SYNPO2: variants seen among roughly 807,000 people sequenced by gnomAD.
SYNPO2 encodes the protein synaptopodin-2.
In SYNPO2, 56 loss-of-function variants were observed where a neutral mutation model predicts 85.0. The ratio of observed to expected loss-of-function variants is 0.66; its 90% CI spans 0.53 to 0.82. The LOEUF is 0.82. SYNPO2 is among the 40% of genes least tolerant of loss of function. SYNPO2 has a pLI of 0.00. For synonymous variants in SYNPO2, 602 were observed against 591.1 expected (o/e 1.02, Z -0.27); for missense variants, 1,575 against 1,534.2 (o/e 1.03, Z -0.44).
intron 1 of SYNPO2, among the ~76,000 whole-genome samples, chr4:118,927,607 T>A (rs1436822789): frequency 6.6e-6 from 1 of 152,166 alleles, no homozygotes; most frequent in Non-Finnish European, 1.5e-5. Flanking sequence ...TGCTTGAGTT[T>A]CAAAACTTTG....
intron 1 of SYNPO2, among the ~76,000 whole-genome samples, chr4:118,931,543 G>C (rs191807929): frequency 6.6e-6 from 1 of 152,300 alleles, no homozygotes; most frequent in East Asian, 1.9e-4. Flanking sequence ...AACCAATCCT[G>C]TGTTGAAATA....
At chr4:118,908,327 A>G (rs1461258139) in intron 1 of SYNPO2, among the ~76,000 whole-genome samples, 7 of 152,150 alleles carry the variant, frequency 4.6e-5, no homozygotes, top group African/African-American at 1.4e-4. Context: ...ATATTGGCCA[A>G]TACAGATTTC....
chr4:118,960,579 A>G (rs147478771), intron 1 of SYNPO2, among the ~76,000 whole-genome samples: 1 of 152,118 alleles, frequency 6.6e-6, no homozygotes, highest in African/African-American at 2.4e-5. Context: ...TTAAATCTCC[A>G]ATCCTGACTT....
chr4:118,962,481 T>C lies in SYNPO2; in HGVS notation c.106-60949T>C, dbSNP rs559958396. On this transcript the variant is annotated intron_variant, in intron 1 of 4. Transcript: ENST00000307142. ...TGGAATAATATAATAATAATTAAAGTATTCAGTTCTTACTTTCTAAAAACA... is the reference window on the plus strand; with the variant it reads ...TGGAATAATATAATAATAATTAAAGCATTCAGTTCTTACTTTCTAAAAACA... 9.6e-4 allele frequency among the ~76,000 whole-genome samples: 146 copies of C among 152,276 alleles called. 1 individual carries two copies. The highest frequency in any genetic ancestry group is 3.4e-3 in the African/African-American group (142 of 41,560).
intron 3 of SYNPO2, 26 bp from the exon 4 acceptor site, chr4:119,029,819 A>AT (rs1210416215): frequency 3.0e-6 from 4 of 1,324,718 alleles, no homozygotes; most frequent in African/African-American, 4.6e-5. Flanking sequence ...AGCTCAATAT[A>AT]ATTTTTTTTT....
chr4:119,018,083 G>A (rs34017819), intron 1 of SYNPO2, among the ~76,000 whole-genome samples: 6,229 of 152,094 alleles, frequency 0.041, 193 homozygotes, highest in Non-Finnish European at 0.069. Flanking sequence ...AAATAATGTC[G>A]TTAAATTTCC....
chr4:118,877,608 T>C (rs971870978), intron 1 of SYNPO2, among the ~76,000 whole-genome samples: 1 of 151,972 alleles, frequency 6.6e-6, no homozygotes, highest in African/African-American at 2.4e-5. Flanking sequence ...GAAAAGAAGA[T>C]CAACATCACT....
chr4:118,987,407 G>A (rs570701618), intron 1 of SYNPO2, among the ~76,000 whole-genome samples: 102 of 152,254 alleles, frequency 6.7e-4, no homozygotes, highest in Middle Eastern at 3.4e-3. Flanking sequence ...GGTGGCTCAC[G>A]CCTCTAAATC....
At chr4:118,886,421 G>A (rs962926294), upstream of SYNPO2, among the ~76,000 whole-genome samples, 1 of 152,074 alleles carries the variant, frequency 6.6e-6, no homozygotes, top group Non-Finnish European at 1.5e-5. Context: ...CCCTCCGACA[G>A]GCCTCAGTGT....
chr4:118,960,912 G>A (rs1220491122), intron 1 of SYNPO2, among the ~76,000 whole-genome samples: 1 of 152,026 alleles, frequency 6.6e-6, no homozygotes, highest in African/African-American at 2.4e-5. Context: ...GGCTGTTATA[G>A]TCGCCTTCTA....
At chr4:118,920,572 A>T (rs1733500215) in intron 1 of SYNPO2, among the ~76,000 whole-genome samples, 1 of 152,204 alleles carries the variant, frequency 6.6e-6, no homozygotes, top group African/African-American at 2.4e-5. Flanking sequence ...ACCATGGAAC[A>T]GAGGAAAGGC....
At chr4:119,044,776 G>T (rs554086029) in intron 4 of SYNPO2, among the ~76,000 whole-genome samples, 26 of 152,304 alleles carry the variant, frequency 1.7e-4, no homozygotes, top group East Asian at 3.9e-4. Flanking sequence ...TTAATCAAAG[G>T]TTCCATTTAA....
At chr4:118,977,925 T>A (rs1400476997) in intron 1 of SYNPO2, among the ~76,000 whole-genome samples, 3 of 152,176 alleles carry the variant, frequency 2.0e-5, no homozygotes, top group Non-Finnish European at 2.9e-5. Context: ...CAAGCCTGGT[T>A]CCAGGTAGTA....
At position 119,057,757 on chromosome 4, in the gene SYNPO2, C is replaced by CGAT. The variant is rs1739259669; in HGVS notation, c.3609_3610insGAT (p.Ala1203_Asn1204insAsp). ...GAAGGCAAGAGTATAATGTCACAGC[C>CGAT]AATAATAATATGTCCACCACCTCCC... On this transcript the variant is annotated inframe_insertion, in exon 5 of 5. Coordinates refer to ENST00000307142, the MANE Select transcript of SYNPO2 (RefSeq NM_133477.3). 6.2e-7 allele frequency: 1 copy of CGAT among 1,613,960 alleles called. No individual in the cohort carries two copies. Among genetic ancestry groups the CGAT allele is most frequent in the African/African-American group, 1.3e-5 (1 of 74,886 alleles).
chr4:119,014,366 A>C (rs543387475), intron 1 of SYNPO2, among the ~76,000 whole-genome samples: 7 of 152,166 alleles, frequency 4.6e-5, no homozygotes, highest in Non-Finnish European at 1.0e-4. Context: ...GCGAGCCAAG[A>C]TTGCGTCTCT....
intron 1 of SYNPO2, among the ~76,000 whole-genome samples, chr4:118,986,461 A>C (rs1736221617): frequency 6.6e-6 from 1 of 152,222 alleles, no homozygotes; most frequent in African/African-American, 2.4e-5. Context: ...GGTCACTCAG[A>C]GTACTACAAA....
Position 119,026,947 on chromosome 4 carries a change from C to T in SYNPO2, c.578C>T (p.Pro193Leu). 6.2e-7 allele frequency: 1 copy of T among 1,614,184 alleles called. No homozygotes were observed. The highest frequency in any genetic ancestry group is 8.5e-7 in the Non-Finnish European group (1 of 1,180,030). ...AGGGAGAAGGTAGAAGCGGTACAGCCTGGGCCTGTGGTTGAGCTGCAACTG... is the reference window on the plus strand; with the variant it reads ...AGGGAGAAGGTAGAAGCGGTACAGCTTGGGCCTGTGGTTGAGCTGCAACTG... ...ILREKVEAVQ[P>L]GPVVELQLSL... Residue 193 changes from proline to leucine, a missense_variant, in exon 3 of 5, where the codon CCT (proline) becomes CTT (leucine). By Grantham distance (98) the Pro-to-Leu change is moderately conservative (BLOSUM62 -3). Around this residue, in one of 3 missense-constraint regions of SYNPO2, gnomAD observed 1,508 missense variants for 1,446.8 expected, o/e 1.04. Transcript: ENST00000307142.
intron 1 of SYNPO2, among the ~76,000 whole-genome samples, chr4:118,988,100 A>C (rs1736284730): frequency 6.6e-6 from 1 of 152,216 alleles, no homozygotes; most frequent in Non-Finnish European, 1.5e-5. Flanking sequence ...CTCAATTTTC[A>C]CACTTGATTT....
chr4:118,888,783 G>A (rs1393652960), upstream of SYNPO2: 7 of 504,346 alleles, frequency 1.4e-5, no homozygotes, highest in East Asian at 1.4e-4. Flanking sequence ...GCAAAGGAGA[G>A]TGACGCAAGA....
Sources: allele counts gnomAD v4.1 joint callset (sites outside exome capture counted in the v4.1 genomes callset), GRCh38; gene constraint gnomAD v4.1.1; regional missense constraint gnomAD v4.1.1; transcripts MANE v1.5; gene names NCBI Gene and HGNC (gene_info 2026-07-23, HGNC 2026-07-21).